The following VPS4B variants were observed in gnomAD, a reference collection of about 807,000 sequenced individuals.
VPS4B encodes vacuolar protein sorting-associated protein 4B.
In VPS4B, 23 loss-of-function variants were observed where a neutral mutation model predicts 56.1. That is an observed-to-expected ratio of 0.41 (90% CI 0.30 to 0.58). VPS4B has a LOEUF of 0.58. VPS4B is among the 20% of genes least tolerant of loss of function. The pLI is 0.29. For synonymous variants in VPS4B, 177 were observed against 186.0 expected (o/e 0.95, Z 0.39); for missense variants, 372 against 531.9 (o/e 0.70, Z 2.96).
intron 9 of VPS4B, among the ~76,000 whole-genome samples, chr18:63,393,915 T>G (rs1915613349): frequency 6.6e-6 from 1 of 152,076 alleles, no homozygotes; most frequent in Admixed American, 6.5e-5. Context: ...TTTTTTTTAT[T>G]TTTAGGAGAG....
chr18:63,392,777 G>A (rs575756417), intron 10 of VPS4B, among the ~76,000 whole-genome samples: 3 of 147,646 alleles, frequency 2.0e-5, no homozygotes, highest in African/African-American at 5.0e-5. Flanking sequence ...TGGAGACAGA[G>A]TCTCGCTCTG....
intron 1 of VPS4B, among the ~76,000 whole-genome samples, chr18:63,421,942 C>T (rs965711766): frequency 6.6e-5 from 10 of 152,202 alleles, no homozygotes; most frequent in African/African-American, 2.4e-4. Flanking sequence ...TCTCCGTTAA[C>T]CCTGATTGGA....
At chr18:63,411,848 G>A (rs977137610) in intron 1 of VPS4B, among the ~76,000 whole-genome samples, 1 of 151,998 alleles carries the variant, frequency 6.6e-6, no homozygotes, top group African/African-American at 2.4e-5. Flanking sequence ...AGTACCAATC[G>A]CTAACATTTA....
intron 9 of VPS4B, among the ~76,000 whole-genome samples, chr18:63,393,795 G>A (rs1486678077): frequency 6.6e-6 from 1 of 151,864 alleles, no homozygotes; most frequent in Non-Finnish European, 1.5e-5. Flanking sequence ...GGAGTGAAGT[G>A]GCACGATGTC....
rs144363217 is a variant in VPS4B, at chr18:63,404,342, G to A, written c.365-516C>T. The stretch of plus-strand genomic sequence containing the variant: ...CTCAAGATAGGCAGACAGACAGAAG[G>A]GAGAAGGAAAAGGAGAGAGGAAAGG... On this transcript the variant is annotated intron_variant, in intron 4 of 10. Transcript: ENST00000238497. 8.5e-4 allele frequency among the ~76,000 whole-genome samples: 130 copies of A among 152,200 alleles called. 2 individuals carry two copies. The East Asian group carries it at 0.02, about 23-fold the overall frequency.
chr18:63,404,072 T>A (rs1035775001), intron 4 of VPS4B, among the ~76,000 whole-genome samples: 2 of 152,108 alleles, frequency 1.3e-5, no homozygotes. Context: ...CTTCCTCACT[T>A]GTGAAATGAA....
chr18:63,410,537 A>T, intron 2 of VPS4B, 91 bp from the exon 3 acceptor site: 2 of 1,488,810 alleles, frequency 1.3e-6, no homozygotes, highest in Non-Finnish European at 1.8e-6. Context: ...CAGACAAGGA[A>T]ATTCTATGTT....
At chr18:63,392,429 A>G (rs1177994086) in intron 10 of VPS4B, among the ~76,000 whole-genome samples, 1 of 152,170 alleles carries the variant, frequency 6.6e-6, no homozygotes, top group Non-Finnish European at 1.5e-5. Context: ...TACAAGCATT[A>G]GTATTTCTGG....
At chr18:63,408,824 A>G (rs957773135) in intron 3 of VPS4B, among the ~76,000 whole-genome samples, 2 of 152,212 alleles carry the variant, frequency 1.3e-5, no homozygotes, top group Non-Finnish European at 1.5e-5. Context: ...GTTCAGTACA[A>G]AAGAAAAACT....
At chr18:63,397,835 T>C (rs1390790269) in intron 8 of VPS4B, among the ~76,000 whole-genome samples, 2 of 152,156 alleles carry the variant, frequency 1.3e-5, no homozygotes, top group Non-Finnish European at 2.9e-5. Flanking sequence ...GAGCAGACTG[T>C]TTTTTCTCCA....
chr18:63,390,727 T>C lies in VPS4B; in HGVS notation c.*248A>G, dbSNP rs1915529594. The C allele has an allele frequency of 4.5e-6, 1 of 224,440 alleles. No individual in the cohort carries two copies. The highest frequency in any genetic ancestry group is 8.6e-6 in the Non-Finnish European group (1 of 116,082). 13.9% of individuals were successfully genotyped at this position (224,440 alleles called of 1,614,324 possible). ...TCTGACATCCTTTTTACTGGGTAAT[T>C]TCTGTTTTTATGCCGTTCATATATC... On this transcript the variant is annotated 3_prime_UTR_variant, in exon 11 of 11. Coordinates refer to ENST00000238497, the MANE Select transcript of VPS4B (RefSeq NM_004869.4).
At chr18:63,408,819 G>C (rs1915971775) in intron 3 of VPS4B, among the ~76,000 whole-genome samples, 1 of 152,190 alleles carries the variant, frequency 6.6e-6, no homozygotes, top group South Asian at 2.1e-4. Flanking sequence ...TTGCTGTTCA[G>C]TACAAAAGAA....
chr18:63,396,475 C>T (rs1013879323), intron 9 of VPS4B: 1 of 153,084 alleles, frequency 6.5e-6, no homozygotes, highest in African/African-American at 2.4e-5. Context: ...GCTGGTCTCT[C>T]CTGAGCTCAA....
Position 63,406,875 on chromosome 18 carries a change from A to G in VPS4B, c.364+557T>C, listed in dbSNP as rs1915929608. ...AAGATCTGAATGGAGCCAAAAACCT[A>G]TGTCCCCTCTGTTATGCCACTGTGC... On this transcript the variant is annotated intron_variant, in intron 4 of 10. Transcript: ENST00000238497. Among the ~76,000 whole-genome samples, 3 of 152,234 alleles carry G rather than the reference A, an allele frequency of 2.0e-5. No homozygotes were observed. In the South Asian group the frequency reaches 6.2e-4, roughly 32 times the overall value.
At chr18:63,420,781 T>C (rs1916279871) in intron 1 of VPS4B, among the ~76,000 whole-genome samples, 1 of 151,992 alleles carries the variant, frequency 6.6e-6, no homozygotes, top group East Asian at 1.9e-4. Flanking sequence ...GACTCACGCC[T>C]GTAATCCCAG....
chr18:63,415,389 G>T, intron 1 of VPS4B: 1 of 259,746 alleles, frequency 3.8e-6, no homozygotes. Context: ...CTATCTCAAA[G>T]TCCTCCTGGG....
Position 63,410,352 on chromosome 18 carries a change from A to G in VPS4B, c.234T>C (p.Asn78=). ...CTGGCTTCTGTGCTTTTTTCTCTTT[A>G]TTTTTCAGGTACTCCTTTAGTTTTT... ...RAEKLKEYLK[N]KEKKAQKPVK... Residue 78 remains asparagine (N), a synonymous_variant, in exon 3 of 11, where the codon AAT becomes AAC. Coordinates refer to ENST00000238497, the MANE Select transcript of VPS4B (RefSeq NM_004869.4). 5 of 1,613,398 alleles carry G rather than the reference A, an allele frequency of 3.1e-6. No individual in the cohort carries two copies. Among genetic ancestry groups the G allele is most frequent in the Non-Finnish European group, 3.4e-6 (4 of 1,179,940 alleles).
At chr18:63,410,236 T>C (rs1185941833) in intron 3 of VPS4B, 54 bp downstream of exon 3, 7 of 1,596,542 alleles carry the variant, frequency 4.4e-6, no homozygotes, top group Admixed American at 1.8e-5. Context: ...AAAAGAAATT[T>C]CACAAATCGA....
chr18:63,398,664 G>A lies in VPS4B; in HGVS notation c.872+578C>T, dbSNP rs372168876. 1.5e-4 allele frequency among the ~76,000 whole-genome samples: 22 copies of A among 151,580 alleles called. No homozygotes were observed. The South Asian group carries it at 3.9e-3, about 27-fold the overall frequency. On this transcript the variant is annotated intron_variant, in intron 8 of 10. Coordinates refer to ENST00000238497, the MANE Select transcript of VPS4B (RefSeq NM_004869.4). ...CATCCTGGCCACATGATGAAATCTCGTCTCTACTAAAAATATACAAATTAG... is the reference window on the plus strand; with the variant it reads ...CATCCTGGCCACATGATGAAATCTCATCTCTACTAAAAATATACAAATTAG...
Sources: allele counts gnomAD v4.1 joint callset (sites outside exome capture counted in the v4.1 genomes callset), GRCh38; gene constraint gnomAD v4.1.1; transcripts MANE v1.5; gene names NCBI Gene and HGNC (gene_info 2026-07-23, HGNC 2026-07-21).